INSYN2A: variants seen among roughly 807,000 people sequenced by gnomAD.
INSYN2A encodes family with sequence similarity 196 member A.
In INSYN2A, 17 loss-of-function variants were observed where a neutral mutation model predicts 39.4. The ratio of observed to expected loss-of-function variants is 0.43; its 90% CI spans 0.30 to 0.65. INSYN2A has a LOEUF of 0.65. Ranked by LOEUF, INSYN2A falls within the 30% of genes least tolerant of loss-of-function variation. The pLI is 0.14. For synonymous variants in INSYN2A, 255 were observed against 265.7 expected (o/e 0.96, Z 0.39); for missense variants, 595 against 631.2 (o/e 0.94, Z 0.61).
At chr10:127,170,171 C>T (rs1176610595) in intron 4 of INSYN2A, among the ~76,000 whole-genome samples, 1 of 152,092 alleles carries the variant, frequency 6.6e-6, no homozygotes, top group Non-Finnish European at 1.5e-5. Context: ...TGCCACCCTT[C>T]CTGCAAGGTA....
intron 4 of INSYN2A, among the ~76,000 whole-genome samples, chr10:127,167,020 C>T (rs1377692388): frequency 6.6e-6 from 1 of 151,506 alleles, no homozygotes; most frequent in Non-Finnish European, 1.5e-5. Context: ...TACATGAAGC[C>T]CAAAGCAAGA....
At chr10:127,166,715 T>C (rs975536543) in intron 4 of INSYN2A, among the ~76,000 whole-genome samples, 1 of 152,246 alleles carries the variant, frequency 6.6e-6, no homozygotes, top group Non-Finnish European at 1.5e-5. Flanking sequence ...CATTTTTGCA[T>C]AGCTTAGCAG....
rs2051685485 is a variant in INSYN2A at position 127,145,187 on chromosome 10, C to A, written c.1257-7167G>T. ...TCATCTAGGTGCCTGGGTCTGAGGG[C>A]AGGTCAGATGCACAGGGGTCAGAGA... On this transcript the variant is annotated intron_variant, in intron 5 of 5. Coordinates refer to ENST00000522781, the MANE Select transcript of INSYN2A (RefSeq NM_001039762.3). Among the ~76,000 whole-genome samples, 4 of 152,216 alleles carry A rather than the reference C, an allele frequency of 2.6e-5. No homozygotes were observed. In the South Asian group the frequency reaches 6.2e-4, roughly 24 times the overall value.
Position 127,137,415 on chromosome 10 carries a change from G to A in INSYN2A, c.*422C>T, listed in dbSNP as rs922406733. 12 of 155,538 alleles carry A rather than the reference G, an allele frequency of 7.7e-5. No individual in the cohort carries two copies. The highest frequency in any genetic ancestry group is 1.4e-4 in the African/African-American group (6 of 41,522). The allele number at this position is 155,538 out of a possible 1,614,324, so 9.6% of individuals were successfully genotyped here. On this transcript the variant is annotated 3_prime_UTR_variant, in exon 6 of 6. Coordinates refer to ENST00000522781, the MANE Select transcript of INSYN2A (RefSeq NM_001039762.3). ...ATGAAACATAAAAATGAAGTCCTTC[G>A]CAAACATAAGGCTTGCTTTTTCTTC...
intron 5 of INSYN2A, 132 bp from the exon 6 acceptor site, chr10:127,138,152 C>T (rs979164070): frequency 3.7e-5 from 28 of 763,194 alleles, no homozygotes; most frequent in East Asian, 1.3e-4. Context: ...AATAGCAATT[C>T]GATATACTAT....
intron 5 of INSYN2A, among the ~76,000 whole-genome samples, chr10:127,149,720 G>T (rs1289412058): frequency 6.6e-6 from 1 of 152,202 alleles, no homozygotes; most frequent in African/African-American, 2.4e-5. Context: ...ATTACAATGT[G>T]TGAACACTGG....
chr10:127,139,197 A>C (rs1458628036), intron 5 of INSYN2A, among the ~76,000 whole-genome samples: 1 of 152,222 alleles, frequency 6.6e-6, no homozygotes, highest in Non-Finnish European at 1.5e-5. Context: ...TAAACCATTT[A>C]TAAACATGAA....
rs1183517329 is a variant in INSYN2A at position 127,196,579 on chromosome 10, C to T, written c.-977G>A. ...CCTGTGCGCCCGGCTGGCACCGAGGCGGGCGGAGCCCCGGGCCCCGCGGGG... is the reference window on the plus strand; with the variant it reads ...CCTGTGCGCCCGGCTGGCACCGAGGTGGGCGGAGCCCCGGGCCCCGCGGGG... On this transcript the variant is annotated 5_prime_UTR_variant, in exon 1 of 6. Transcript: ENST00000522781. Among the ~76,000 whole-genome samples the T allele has an allele frequency of 1.6e-5, 2 of 128,224 alleles. No homozygotes were observed. The highest frequency in any genetic ancestry group is 3.3e-5 in the Non-Finnish European group (2 of 61,344). The allele number at this position is 128,224 out of a possible 152,430, so 84.1% of individuals were successfully genotyped here.
rs2057161243 is a variant in INSYN2A at position 127,196,488 on chromosome 10, A to G, written c.-886T>C. 6.7e-6 allele frequency among the ~76,000 whole-genome samples: 1 copy of G among 148,162 alleles called. No individual in the cohort carries two copies. The highest frequency in any genetic ancestry group is 1.5e-5 in the Non-Finnish European group (1 of 66,666). The stretch of plus-strand genomic sequence containing the variant: ...GGAGGGAAGTCCTTTCCGCTGCTCC[A>G]GGTCCCAGCTACTCCGCGGAGCCGG... On this transcript the variant is annotated 5_prime_UTR_variant, in exon 1 of 6. Transcript: ENST00000522781.
intron 1 of INSYN2A, among the ~76,000 whole-genome samples, chr10:127,194,771 A>G (rs2134147425): frequency 6.6e-6 from 1 of 152,262 alleles, no homozygotes; most frequent in Admixed American, 6.5e-5. Flanking sequence ...CCTGAGCTGT[A>G]GTCTTCTGAA....
chr10:127,187,873 A>G (rs985792960), intron 2 of INSYN2A, among the ~76,000 whole-genome samples: 12 of 152,196 alleles, frequency 7.9e-5, no homozygotes, highest in Non-Finnish European at 1.3e-4. Context: ...ACTGGGTTCC[A>G]CTGTTTGTTT....
Position 127,137,499 on chromosome 10 carries a change from G to A in INSYN2A, c.*338C>T, listed in dbSNP as rs546285254. ...TAATTATGAGTTATAGCTGTGTACA[G>A]GGTGACAGCCTGCCATCTCGCAGGT... On this transcript the variant is annotated 3_prime_UTR_variant, in exon 6 of 6. Coordinates refer to ENST00000522781, the MANE Select transcript of INSYN2A (RefSeq NM_001039762.3). 2 of 227,076 alleles carry A rather than the reference G, an allele frequency of 8.8e-6. No homozygotes were observed. Among genetic ancestry groups the A allele is most frequent in the South Asian group, 1.4e-4 (1 of 7,404 alleles). The allele number at this position is 227,076 out of a possible 1,614,324, so 14.1% of individuals were successfully genotyped here.
At chr10:127,177,910 C>T (rs796945446) in intron 2 of INSYN2A, among the ~76,000 whole-genome samples, 28 of 152,290 alleles carry the variant, frequency 1.8e-4, no homozygotes, top group African/African-American at 3.6e-4. Context: ...CGTCATTTTT[C>T]GGTGTCACAC....
chr10:127,154,897 C>T (rs1489374260), intron 4 of INSYN2A, among the ~76,000 whole-genome samples: 6 of 152,188 alleles, frequency 3.9e-5, no homozygotes, highest in African/African-American at 1.2e-4. Context: ...GGTCCAGCCA[C>T]GTAGGAACAG....
intron 2 of INSYN2A, among the ~76,000 whole-genome samples, chr10:127,180,377 G>A (rs1375353224): frequency 2.6e-5 from 4 of 152,274 alleles, no homozygotes; most frequent in South Asian, 4.1e-4. Context: ...CTGATCTCTT[G>A]GCTCTAAAGC....
chr10:127,176,264 G>A lies in INSYN2A; in HGVS notation c.132C>T (p.Ala44=). Residue 44 remains alanine, a synonymous_variant, in exon 4 of 6, where the codon GCC becomes GCT. Coordinates refer to ENST00000522781, the MANE Select transcript of INSYN2A (RefSeq NM_001039762.3). The surrounding 1 kb of genome is among the most constrained non-coding windows in gnomAD (Gnocchi z 4.4). ...PNRQIKKRNK[A]LQVRFKDICE... is the part of the protein sequence containing the mutation. ...AGATATCCTTAAACCGCACCTGCAGGGCTTTGTTCCGTTTTTTAATCTGCC... is the reference window on the plus strand; with the variant it reads ...AGATATCCTTAAACCGCACCTGCAGAGCTTTGTTCCGTTTTTTAATCTGCC... 1 of 1,614,118 alleles carries A rather than the reference G, an allele frequency of 6.2e-7. No individual in the cohort carries two copies. Among genetic ancestry groups the A allele is most frequent in the Non-Finnish European group, 8.5e-7 (1 of 1,180,030 alleles).
chr10:127,190,882 C>G (rs11016704), intron 2 of INSYN2A, among the ~76,000 whole-genome samples: 3,062 of 152,050 alleles, frequency 0.02, 28 homozygotes, highest in Non-Finnish European at 0.023. Context: ...GACACCTTCT[C>G]AACTGGTCTC....
At position 127,135,851 on chromosome 10, in the gene INSYN2A, A is replaced by G. The variant is rs2050645234; in HGVS notation, c.*1986T>C. ...GAAAACTGCTAATACCCTTATTTCA[A>G]TTTACTGAGATAGTTGGGATTCTTA... On this transcript the variant is annotated 3_prime_UTR_variant, in exon 6 of 6. Transcript: ENST00000522781. The G allele has an allele frequency of 1.3e-5, 2 of 152,600 alleles. No individual in the cohort carries two copies. Among genetic ancestry groups the G allele is most frequent in the African/African-American group, 2.4e-5 (1 of 41,442 alleles). The allele number at this position is 152,600 out of a possible 1,614,324, so 9.5% of individuals were successfully genotyped here.
intron 4 of INSYN2A, among the ~76,000 whole-genome samples, chr10:127,167,666 G>T (rs950638091): frequency 1.3e-5 from 2 of 151,964 alleles, no homozygotes; most frequent in East Asian, 3.9e-4. Context: ...TAGCTCAGAG[G>T]CTAGGCCAGG....
Sources: gnomAD v4.1 joint callset for allele counts (sites outside exome capture counted in the v4.1 genomes callset) on GRCh38, gnomAD v4.1.1 for gene constraint, Gnocchi (gnomAD v3.1) non-coding constraint, MANE v1.5 for transcripts, NCBI Gene and HGNC (gene_info 2026-07-23, HGNC 2026-07-21) for gene names.